Variants in NKAIN3 observed in about 807,000 individuals in gnomAD.
The protein encoded by NKAIN3 is sodium/potassium transporting ATPase interacting 3.
A neutral mutation model predicts 30.2 loss-of-function variants in NKAIN3; 25 were observed. The ratio of observed to expected loss-of-function variants is 0.83; its 90% CI spans 0.60 to 1.16. The LOEUF is 1.16. Among genes scored for constraint, NKAIN3 ranks in the 50% most tolerant of loss-of-function variants. The pLI is 0.00. For missense variants in NKAIN3, 225 were observed against 254.1 expected, an observed-to-expected ratio of 0.89 and a Z score of 0.78; for synonymous variants, 91 against 89.6, an observed-to-expected ratio of 1.02 and a Z score of -0.09.
chr8:62,421,676 A>G (rs1329067937), intron 1 of NKAIN3, among the ~76,000 whole-genome samples: 1 of 151,796 alleles, frequency 6.6e-6, no homozygotes, highest in African/African-American at 2.4e-5. Context: ...ATGGCTGTGA[A>G]TGTACTCCCC....
At chr8:62,875,639 G>A (rs564498474) in intron 4 of NKAIN3, among the ~76,000 whole-genome samples, 5 of 152,222 alleles carry the variant, frequency 3.3e-5, no homozygotes, top group East Asian at 3.9e-4. Context: ...ATAGGCCAAC[G>A]GAGCAGAACA....
chr8:62,444,211 A>G (rs995250962), intron 1 of NKAIN3, among the ~76,000 whole-genome samples: 3 of 152,168 alleles, frequency 2.0e-5, no homozygotes, highest in African/African-American at 4.8e-5. Flanking sequence ...TGAGATATCC[A>G]TCACCTTAAA....
intron 1 of NKAIN3, among the ~76,000 whole-genome samples, chr8:62,491,374 A>G (rs1807060458): frequency 6.6e-6 from 1 of 152,124 alleles, no homozygotes; most frequent in African/African-American, 2.4e-5. Context: ...TGCCTAGATT[A>G]CTTGTTGATT....
intron 4 of NKAIN3, among the ~76,000 whole-genome samples, chr8:62,792,727 A>G (rs1376729195): frequency 1.3e-5 from 2 of 152,162 alleles, no homozygotes; most frequent in Admixed American, 1.3e-4. Context: ...AAGCTGACAC[A>G]TGAATAAGTC....
At chr8:62,695,362 A>C (rs1004703680) in intron 3 of NKAIN3, among the ~76,000 whole-genome samples, 4 of 152,244 alleles carry the variant, frequency 2.6e-5, no homozygotes, top group Non-Finnish European at 4.4e-5. Flanking sequence ...ATATAGGAAC[A>C]GCATGGAAAG....
intron 1 of NKAIN3, among the ~76,000 whole-genome samples, chr8:62,305,237 G>A (rs1252135115): frequency 1.3e-5 from 2 of 149,294 alleles, no homozygotes; most frequent in Admixed American, 1.3e-4. Flanking sequence ...TTCTTTAGTT[G>A]TTGATAGCTA....
intron 4 of NKAIN3, among the ~76,000 whole-genome samples, chr8:62,803,992 A>G (rs375624545): frequency 6.6e-6 from 1 of 152,278 alleles, no homozygotes; most frequent in Non-Finnish European, 1.5e-5. Context: ...ACACCTCTAC[A>G]CAAATAAACT....
In NKAIN3 at chr8:62,973,631, A is replaced by G. The variant is rs1469675256; in HGVS notation, c.*8224A>G. 6.6e-6 allele frequency among the ~76,000 whole-genome samples: 1 copy of G among 152,120 alleles called. No homozygotes were observed. The highest frequency in any genetic ancestry group is 1.9e-4 in the East Asian group (1 of 5,176). The stretch of plus-strand genomic sequence containing the variant: ...CTGTAGGTTGCCTGTTCACTCTGAT[A>G]ATAGTTTCTTTTGCTGCACAGAAGC... On this transcript the variant is annotated 3_prime_UTR_variant, in exon 7 of 7. Coordinates refer to ENST00000623646, the MANE Select transcript of NKAIN3 (RefSeq NM_001304533.3).
intron 4 of NKAIN3, among the ~76,000 whole-genome samples, chr8:62,858,535 C>A (rs1423557213): frequency 6.6e-6 from 1 of 152,112 alleles, no homozygotes; most frequent in Non-Finnish European, 1.5e-5. Flanking sequence ...ACTGTTCATA[C>A]CGTATGTGCA....
intron 1 of NKAIN3, among the ~76,000 whole-genome samples, chr8:62,253,258 C>T (rs1340481178): frequency 6.6e-6 from 1 of 152,204 alleles, no homozygotes. Context: ...CAGCTTCTAA[C>T]TCATAGATGT....
chr8:62,316,581 A>G (rs1165912388), intron 1 of NKAIN3, among the ~76,000 whole-genome samples: 2 of 152,118 alleles, frequency 1.3e-5, no homozygotes, highest in African/African-American at 4.8e-5. Flanking sequence ...TTCCAGCTTC[A>G]TCCCTATCTC....
chr8:62,990,190 C>T (rs1239027512), intron 5 of NKAIN3: 1 of 1,503,214 alleles, frequency 6.7e-7, no homozygotes, highest in Non-Finnish European at 9.1e-7. Context: ...TGCAAGTATG[C>T]AAACATCTTT....
At chr8:62,597,369 G>A (rs547226428) in intron 3 of NKAIN3, among the ~76,000 whole-genome samples, 33 of 152,062 alleles carry the variant, frequency 2.2e-4, no homozygotes, top group African/African-American at 5.1e-4. Flanking sequence ...TGGCTATTTC[G>A]CTTTTCATGG....
chr8:62,379,026 G>T (rs1361943040), intron 1 of NKAIN3, among the ~76,000 whole-genome samples: 1 of 152,190 alleles, frequency 6.6e-6, no homozygotes, highest in Admixed American at 6.5e-5. Flanking sequence ...CCACAGGGAT[G>T]GAGCTTCTCA....
chr8:62,805,421 C>A (rs1166425812), intron 4 of NKAIN3, among the ~76,000 whole-genome samples: 2 of 152,024 alleles, frequency 1.3e-5, no homozygotes, highest in South Asian at 4.2e-4. Context: ...GCTACAGTAA[C>A]CAAAACAGCA....
At chr8:62,366,320 G>A (rs1422345653) in intron 1 of NKAIN3, among the ~76,000 whole-genome samples, 1 of 151,414 alleles carries the variant, frequency 6.6e-6, no homozygotes, top group Non-Finnish European at 1.5e-5. Context: ...TCTGCCTCCA[G>A]GGTTCAAGCA....
rs1393010889 is a variant in NKAIN3, at chr8:62,976,118, T to C, written c.*10711T>C. On this transcript the variant is annotated 3_prime_UTR_variant, in exon 7 of 7. Transcript: ENST00000623646. ...TTACTTCCAGTTATGTGGTCGATTT[T>C]AGGAAAATGTGCTATGTGATGCTGA... Among the ~76,000 whole-genome samples, 2 of 152,196 alleles carry C rather than the reference T, an allele frequency of 1.3e-5. No individual in the cohort carries two copies. Among genetic ancestry groups the C allele is most frequent in the Non-Finnish European group, 2.9e-5 (2 of 68,022 alleles).
At chr8:62,290,863 G>A (rs879157380) in intron 1 of NKAIN3, among the ~76,000 whole-genome samples, 1 of 152,098 alleles carries the variant, frequency 6.6e-6, no homozygotes, top group African/African-American at 2.4e-5. Context: ...GAATCCATCT[G>A]GTCCTGGACT....
At chr8:62,456,254 G>A (rs1355225536) in intron 1 of NKAIN3, among the ~76,000 whole-genome samples, 1 of 152,182 alleles carries the variant, frequency 6.6e-6, no homozygotes, top group Non-Finnish European at 1.5e-5. Flanking sequence ...AGGCACAGGG[G>A]CTCACGCCTG....
Sources: allele counts gnomAD v4.1 joint callset (sites outside exome capture counted in the v4.1 genomes callset), GRCh38; gene constraint gnomAD v4.1.1; transcripts MANE v1.5; gene names NCBI Gene and HGNC (gene_info 2026-07-23, HGNC 2026-07-21).